Variants in CARD14 observed in about 807,000 individuals in gnomAD.
The protein encoded by CARD14 is caspase recruitment domain family member 14, also known as caspase recruitment domain-containing protein 14.
Under a neutral mutation model 111.5 loss-of-function variants are expected in CARD14, and 107 were observed. The ratio of observed to expected loss-of-function variants is 0.96; its 90% CI spans 0.82 to 1.13. The LOEUF is 1.13. CARD14 is among the 50% of genes most tolerant of loss of function. CARD14 has a pLI of 0.00. For missense variants in CARD14, 1,322 were observed against 1,362.3 expected (o/e 0.97, Z 0.47); for synonymous variants, 617 against 579.6 (o/e 1.06, Z -0.93).
rs766775669 is a variant in CARD14 at position 80,208,307 on chromosome 17, CAGA to C, written c.2983_2985del (p.Lys995del). ...TGTCCGCCAGGCCATCGCCGACGAGCAGAAGAAGGTGGTGTGGACGGAGCAGAG... is the reference window on the plus strand; with the variant it reads ...TGTCCGCCAGGCCATCGCCGACGAGCAGAAGGTGGTGTGGACGGAGCAGAG... On this transcript the variant is annotated inframe_deletion, in exon 24 of 24. Transcript: ENST00000648509. The C allele has an allele frequency of 2.8e-5, 45 of 1,605,858 alleles. No individual in the cohort carries two copies. The highest frequency in any genetic ancestry group is 8.0e-5 in the African/African-American group (6 of 75,026).
Position 80,195,134 on chromosome 17 carries a change from A to C in CARD14, c.1357-57A>C. On this transcript the variant is annotated intron_variant, in intron 12 of 23. Coordinates refer to ENST00000648509, the MANE Select transcript of CARD14 (RefSeq NM_001366385.1). This position sits in a 1 kb window ranked among gnomAD's most constrained non-coding sequence, Gnocchi z 4.7. ...TCTCTACACCGTGGGGGAGCAAGGG[A>C]GGAGTCTCAGGGTGTCCTCGTGCGT... 1 of 1,536,978 alleles carries C rather than the reference A, an allele frequency of 6.5e-7. No individual in the cohort carries two copies. The highest frequency in any genetic ancestry group is 2.3e-5 in the East Asian group (1 of 43,672).
At chr17:80,192,691 C>T (rs1157329714) in intron 12 of CARD14, 72 bp downstream of exon 12, 9 of 1,034,496 alleles carry the variant, frequency 8.7e-6, no homozygotes, top group Admixed American at 3.8e-5. Context: ...TCTGTCAGGA[C>T]GAAAGTGAGC....
At position 80,195,531 on chromosome 17, in the gene CARD14, G is replaced by C. The variant is rs746504878; in HGVS notation, c.1500-27G>C. ...TCAGAGGGAGCAGGTGATGCAGTTT[G>C]AGCCTGCTGCTGCTTATGCTTTGCA... On this transcript the variant is annotated intron_variant, in intron 13 of 23. Transcript: ENST00000648509. This position sits in a 1 kb window ranked among gnomAD's most constrained non-coding sequence, Gnocchi z 4.7. 133 of 1,596,632 alleles carry C rather than the reference G, an allele frequency of 8.3e-5. No individual in the cohort carries two copies. The highest frequency in any genetic ancestry group is 1.1e-4 in the Non-Finnish European group (126 of 1,171,852).
chr17:80,184,134 G>T lies in CARD14; in HGVS notation c.571G>T (p.Val191Leu), dbSNP rs281875218. The stretch of plus-strand genomic sequence containing the variant: ...TGAGGTTAGCGCACACTTCCATGAG[G>T]TGCTGAGGCTGAAGGACGAGATGCT... Reference protein sequence around the residue: ...KREVSAHFHEVLRLKDEMLSL... With the variant: ...KREVSAHFHELLRLKDEMLSL... The change falls in exon 7 of 24, where the codon GTG becomes TTG. Residue 191 changes from valine to leucine, a missense_variant. Transcript: ENST00000648509. 2.5e-6 allele frequency: 4 copies of T among 1,569,980 alleles called. No individual in the cohort carries two copies. The highest frequency in any genetic ancestry group is 3.5e-6 in the Non-Finnish European group (4 of 1,157,930).
chr17:80,184,304 T>C, intron 7 of CARD14, 66 bp downstream of exon 7: 1 of 1,318,346 alleles, frequency 7.6e-7, no homozygotes, highest in Non-Finnish European at 1.0e-6. Flanking sequence ...TTGTACTAGC[T>C]GGTCCATCTC....
rs751161224 is a variant in CARD14, at chr17:80,190,769, TC to T, written c.964-3del. On this transcript the variant is annotated splice_polypyrimidine_tract_variant and splice_region_variant and intron_variant, in intron 9 of 23. Transcript: ENST00000648509. ...TTCACGGTCCATGTGTCCCACTCTG[TC>T]CAGTACTGGGAAGAGAAGGAACAGA... 9.3e-6 allele frequency: 15 copies of T among 1,613,976 alleles called. No homozygotes were observed. In the African/African-American group the frequency reaches 1.5e-4, roughly 16 times the overall value.
At position 80,195,497 on chromosome 17, in the gene CARD14, C is replaced by T. The variant is rs1038009652; in HGVS notation, c.1500-61C>T. Reference sequence around the variant, plus strand: ...AGGTGCTGGGGGCCAGTGCTTGGGGCGTGGGGACTCAGAGGGAGCAGGTGA... The same window carrying T: ...AGGTGCTGGGGGCCAGTGCTTGGGGTGTGGGGACTCAGAGGGAGCAGGTGA... On this transcript the variant is annotated intron_variant, in intron 13 of 23. Transcript: ENST00000648509. This position sits in a 1 kb window ranked among gnomAD's most constrained non-coding sequence, Gnocchi z 4.7. The T allele has an allele frequency of 2.2e-5, 34 of 1,536,246 alleles. No homozygotes were observed. The African/African-American group carries it at 3.5e-4, about 16-fold the overall frequency.
intron 23 of CARD14, 129 bp downstream of exon 23, chr17:80,207,214 C>T (rs1373952264): frequency 1.1e-5 from 7 of 623,466 alleles, no homozygotes; most frequent in East Asian, 3.0e-5. Context: ...GGGCCGTTTC[C>T]GCACAACTTT....
chr17:80,205,676 A>C, intron 22 of CARD14, 24 bp downstream of exon 22: 7 of 654,062 alleles, frequency 1.1e-5, no homozygotes, highest in Non-Finnish European at 1.5e-5. Flanking sequence ...CGGGGTGGGC[A>C]GGGGAGCTGT....
rs542590317 is a variant in CARD14 at position 80,177,706 on chromosome 17, T to A, written c.-366-802T>A. Among the ~76,000 whole-genome samples the A allele has an allele frequency of 7.7e-3, 1,162 of 150,714 alleles. 8 individuals carry two copies. The highest frequency in any genetic ancestry group is 0.012 in the Non-Finnish European group (801 of 67,676). On this transcript the variant is annotated intron_variant, in intron 2 of 23. Coordinates refer to ENST00000648509, the MANE Select transcript of CARD14 (RefSeq NM_001366385.1). ...AAGACTCTGTCTCAAAAAAAAAAAA[T>A]TTTTTTTTAGCAGATTTTAGCAGAG... is the stretch of plus-strand genomic sequence containing the variant.
intron 14 of CARD14, chr17:80,196,471 T>C (rs1330151494): frequency 2.0e-5 from 3 of 152,258 alleles, no homozygotes; most frequent in Non-Finnish European, 4.4e-5. Context: ...TTCTGCGTAA[T>C]GCCCTGGTTG....
intron 6 of CARD14, among the ~76,000 whole-genome samples, chr17:80,183,694 C>T (rs2040243850): frequency 6.6e-6 from 1 of 152,112 alleles, no homozygotes; most frequent in South Asian, 2.1e-4. Context: ...GGAGTCATGC[C>T]TCGGCCCACC....
intron 11 of CARD14, 128 bp downstream of exon 11, chr17:80,191,600 C>G: frequency 4.3e-6 from 5 of 1,155,502 alleles, no homozygotes; most frequent in Non-Finnish European, 6.1e-6. Context: ...CTGGGCCACA[C>G]GCGGCACCTG....
At chr17:80,191,182 T>C in intron 10 of CARD14, 141 bp from the exon 11 acceptor site, 1 of 1,098,048 alleles carries the variant, frequency 9.1e-7, no homozygotes, top group Non-Finnish European at 1.3e-6. Flanking sequence ...CGAATTGAAA[T>C]GAATCTTAAG....
At chr17:80,178,409 C>T (rs1429183281) in intron 2 of CARD14, 99 bp from the exon 3 acceptor site, 1 of 152,218 alleles carries the variant, frequency 6.6e-6, no homozygotes, top group Non-Finnish European at 1.5e-5. Context: ...ACGTCTTTTC[C>T]CCGCCGCTTG....
Position 80,195,498 on chromosome 17 carries a change from G to C in CARD14, c.1500-60G>C, listed in dbSNP as rs372422292. On this transcript the variant is annotated intron_variant, in intron 13 of 23. Coordinates refer to ENST00000648509, the MANE Select transcript of CARD14 (RefSeq NM_001366385.1). This position sits in a 1 kb window ranked among gnomAD's most constrained non-coding sequence, Gnocchi z 4.7. ...GGTGCTGGGGGCCAGTGCTTGGGGC[G>C]TGGGGACTCAGAGGGAGCAGGTGAT... 6.5e-7 allele frequency: 1 copy of C among 1,544,060 alleles called. No individual in the cohort carries two copies. The highest frequency in any genetic ancestry group is 2.3e-5 in the East Asian group (1 of 43,404).
At chr17:80,181,680 C>T in intron 5 of CARD14, 31 bp downstream of exon 5, 1 of 1,518,800 alleles carries the variant, frequency 6.6e-7, no homozygotes, top group Non-Finnish European at 8.8e-7. Flanking sequence ...CCCACCTCTT[C>T]CAGCTTCCCG....
At position 80,208,304 on chromosome 17, in the gene CARD14, G is replaced by A. The variant is rs759382855; in HGVS notation, c.2974G>A (p.Glu992Lys). The A allele has an allele frequency of 1.3e-5, 21 of 1,605,580 alleles. No homozygotes were observed. Among genetic ancestry groups the A allele is most frequent in the East Asian group, 2.2e-5 (1 of 44,592 alleles). ...LSCVRQAIAD[E>K]QKKVVWTEQS... is the part of the protein sequence containing the mutation. ...CTGTGTCCGCCAGGCCATCGCCGACGAGCAGAAGAAGGTGGTGTGGACGGA... is the reference window on the plus strand; with the variant it reads ...CTGTGTCCGCCAGGCCATCGCCGACAAGCAGAAGAAGGTGGTGTGGACGGA... Residue 992 changes from glutamate (E) to lysine (K), a missense_variant, in exon 24 of 24, where the codon GAG becomes AAG. Glu to Lys is a moderately conservative substitution (Grantham distance 56, BLOSUM62 1). Coordinates refer to ENST00000648509, the MANE Select transcript of CARD14 (RefSeq NM_001366385.1).
chr17:80,199,098 G>A (rs898114622), intron 16 of CARD14, among the ~76,000 whole-genome samples: 11 of 152,222 alleles, frequency 7.2e-5, no homozygotes, highest in African/African-American at 2.6e-4. Flanking sequence ...CAGACCACAA[G>A]CATGCGCTAC....
Sources: allele counts gnomAD v4.1 joint callset (sites outside exome capture counted in the v4.1 genomes callset), GRCh38; gene constraint gnomAD v4.1.1; non-coding constraint Gnocchi (gnomAD v3.1); transcripts MANE v1.5; gene names NCBI Gene and HGNC (gene_info 2026-07-23, HGNC 2026-07-21).